Variants in PABPC4L observed in about 807,000 individuals in gnomAD.
PABPC4L encodes the protein polyadenylate-binding protein 4-like.
For synonymous variants in PABPC4L, 169 were observed against 164.1 expected (o/e 1.03, Z -0.23); for missense variants, 452 against 451.4 (o/e 1.00, Z -0.01).
chr4:134,124,961 C>A, the PABPC4L span, among the ~76,000 whole-genome samples: 1 of 152,128 alleles, frequency 6.6e-6, no homozygotes, highest in East Asian at 1.9e-4. Context: ...TGTGTCATCT[C>A]TAGTATAATA....
chr4:134,120,122 C>G, the PABPC4L span, among the ~76,000 whole-genome samples: 2 of 151,508 alleles, frequency 1.3e-5, no homozygotes, highest in East Asian at 3.9e-4. Context: ...TTCTGGGTCA[C>G]AGGATACACA....
At chr4:133,983,298 A>T in the PABPC4L span, among the ~76,000 whole-genome samples, 1 of 151,946 alleles carries the variant, frequency 6.6e-6, no homozygotes, top group African/African-American at 2.4e-5. Flanking sequence ...ACAGGAAGGT[A>T]ATAACATCTA....
chr4:134,158,090 CT>C, the PABPC4L span, among the ~76,000 whole-genome samples: 1 of 151,738 alleles, frequency 6.6e-6, no homozygotes, highest in Non-Finnish European at 1.5e-5. Flanking sequence ...TATTGTTTCC[CT>C]CTGTAAATGA....
the PABPC4L span, among the ~76,000 whole-genome samples, chr4:134,040,216 A>C: frequency 6.6e-6 from 1 of 151,442 alleles, no homozygotes; most frequent in Non-Finnish European, 1.5e-5. Flanking sequence ...AAAAAAAAAA[A>C]AAAAAACTAC....
chr4:133,952,113 A>C, the PABPC4L span, among the ~76,000 whole-genome samples: 2 of 152,092 alleles, frequency 1.3e-5, no homozygotes, highest in Non-Finnish European at 2.9e-5. Context: ...CTTTCCCCCG[A>C]AATTAGAAGA....
the PABPC4L span, among the ~76,000 whole-genome samples, chr4:134,159,615 C>T: frequency 5.2e-3 from 798 of 152,244 alleles, 10 homozygotes; most frequent in African/African-American, 0.018. Context: ...GAATCCTCCA[C>T]CCTAACTTGA....
At chr4:134,166,620 G>A in the PABPC4L span, among the ~76,000 whole-genome samples, 1 of 152,146 alleles carries the variant, frequency 6.6e-6, no homozygotes, top group African/African-American at 2.4e-5. Flanking sequence ...GTGCTCACAG[G>A]AGGCGGCAGA....
chr4:134,139,342 T>C, the PABPC4L span, among the ~76,000 whole-genome samples: 2 of 151,896 alleles, frequency 1.3e-5, no homozygotes, highest in African/African-American at 4.8e-5. Context: ...ATTCGTGACA[T>C]GAAGCAATGA....
chr4:134,040,221 AAC>A, the PABPC4L span, among the ~76,000 whole-genome samples: 16 of 151,794 alleles, frequency 1.1e-4, no homozygotes, highest in African/African-American at 3.4e-4. Flanking sequence ...AAAAAAAAAA[AAC>A]TACTTTAAAG....
At chr4:134,044,077 G>A in the PABPC4L span, among the ~76,000 whole-genome samples, 1 of 151,310 alleles carries the variant, frequency 6.6e-6, no homozygotes, top group Non-Finnish European at 1.5e-5. Flanking sequence ...TCAGCCTCCA[G>A]CTTATCTGGG....
the PABPC4L span, among the ~76,000 whole-genome samples, chr4:133,981,153 T>A: frequency 1.6e-5 from 2 of 122,496 alleles, no homozygotes; most frequent in South Asian, 5.1e-4. Flanking sequence ...AGAGCAAGAC[T>A]CCACTGGGGA....
chr4:134,187,548 T>TG, the PABPC4L span, among the ~76,000 whole-genome samples: 10 of 26,770 alleles, frequency 3.7e-4, no homozygotes, highest in Non-Finnish European at 5.9e-4. Flanking sequence ...TGTCGTGGGG[T>TG]GGGGGGAGGG....
At chr4:134,043,186 T>TTC in the PABPC4L span, among the ~76,000 whole-genome samples, 78,174 of 151,710 alleles carry the variant, frequency 0.52, 21,496 homozygotes, top group East Asian at 0.93. Context: ...ACAGCACAAT[T>TTC]TGTTATTTTA....
At chr4:133,979,736 T>G in the PABPC4L span, among the ~76,000 whole-genome samples, 3 of 152,212 alleles carry the variant, frequency 2.0e-5, no homozygotes, top group Non-Finnish European at 2.9e-5. Flanking sequence ...CTCATGTGAC[T>G]GTCTAAAATC....
the PABPC4L span, among the ~76,000 whole-genome samples, chr4:133,983,319 C>T: frequency 1.3e-3 from 193 of 151,980 alleles, no homozygotes; most frequent in Non-Finnish European, 2.0e-3. Flanking sequence ...TATATATTGT[C>T]ATATGCAAAA....
chr4:133,957,029 C>A, the PABPC4L span, among the ~76,000 whole-genome samples: 301 of 152,202 alleles, frequency 2.0e-3, no homozygotes, highest in African/African-American at 6.4e-3. Flanking sequence ...CCACCCCCAG[C>A]AGCTCCCATA....
At chr4:134,193,645 T>C (rs1300055413), downstream of PABPC4L, among the ~76,000 whole-genome samples, 1 of 151,958 alleles carries the variant, frequency 6.6e-6, no homozygotes, top group Non-Finnish European at 1.5e-5. Context: ...AAGTCCATGT[T>C]GGGCATCAAT....
chr4:134,149,862 G>C, the PABPC4L span, among the ~76,000 whole-genome samples: 1 of 152,066 alleles, frequency 6.6e-6, no homozygotes, highest in Admixed American at 6.6e-5. Context: ...GGCTAGGTGA[G>C]CTTTTCAAGG....
the PABPC4L span, among the ~76,000 whole-genome samples, chr4:134,167,604 C>T: frequency 1.3e-5 from 2 of 151,280 alleles, no homozygotes; most frequent in East Asian, 3.9e-4. Flanking sequence ...ATATTTCATG[C>T]AAAGGAAAAT....
Sources: gnomAD v4.1 joint callset for allele counts (sites outside exome capture counted in the v4.1 genomes callset) on GRCh38, gnomAD v4.1.1 for gene constraint, MANE v1.5 for transcripts, NCBI Gene and HGNC (gene_info 2026-07-23, HGNC 2026-07-21) for gene names.